PLAGL1: variants seen among roughly 807,000 people sequenced by gnomAD.
The protein encoded by PLAGL1 is zinc finger protein PLAGL1.
PLAGL1 carries 1 observed loss-of-function variant against 4.6 expected under a neutral mutation model. The observed-to-expected ratio is 0.22, with a 90% CI of 0.08 to 1.03. PLAGL1 has a LOEUF of 1.03. Among genes scored for constraint, PLAGL1 ranks in the 50% least tolerant of loss-of-function variants. PLAGL1 has a pLI of 0.58. For missense variants in PLAGL1, 464 were observed against 570.4 expected, an observed-to-expected ratio of 0.81 and a Z score of 1.90; for synonymous variants, 240 against 237.8, an observed-to-expected ratio of 1.01 and a Z score of -0.08.
Position 144,000,191 on chromosome 6 carries a change from T to C in PLAGL1, c.-584+7899A>G, listed in dbSNP as rs1792543327. On this transcript the variant is annotated intron_variant, in intron 1 of 7. Coordinates refer to ENST00000674357, the MANE Select transcript of PLAGL1 (RefSeq NM_001317162.2). This position sits in a 1 kb window ranked among gnomAD's most constrained non-coding sequence, Gnocchi z 4.1. ...CTAAGCTTCAGTGCTACAAAAGCAT[T>C]CTTATGTAAGTCAGAAGCAAAATAA... 2.0e-5 allele frequency among the ~76,000 whole-genome samples: 3 copies of C among 152,164 alleles called. No individual in the cohort carries two copies. In the East Asian group the frequency reaches 5.8e-4, roughly 29 times the overall value.
chr6:143,941,978 C>T lies in PLAGL1; in HGVS notation c.838G>A (p.Glu280Lys). ...GAGGGGTGGAGGGAGGCCAGGGACT[C>T]TGGCAGCGGCTGCATAGGCTGGGCG... is the stretch of plus-strand genomic sequence containing the variant. The part of the protein sequence containing the change: ...QAAQPMQPLP[E>K]SLASLHPSVS... The change falls in exon 8 of 8, where the codon GAG (glutamate) becomes AAG (lysine). Residue 280 changes from glutamate to lysine, a missense_variant. Glu to Lys is a moderately conservative substitution (Grantham distance 56, BLOSUM62 1). Around this residue, in one of 4 missense-constraint regions of PLAGL1, gnomAD observed 248 missense variants for 250.1 expected, o/e 0.99. Coordinates refer to ENST00000674357, the MANE Select transcript of PLAGL1 (RefSeq NM_001317162.2). This position sits in a 1 kb window ranked among gnomAD's most constrained non-coding sequence, Gnocchi z 6.0. The T allele has an allele frequency of 6.3e-7, 1 of 1,594,274 alleles. No individual in the cohort carries two copies. The highest frequency in any genetic ancestry group is 2.2e-5 in the East Asian group (1 of 44,694).
chr6:143,947,479 T>G lies in PLAGL1; in HGVS notation c.152+506A>C, dbSNP rs1780031705. Among the ~76,000 whole-genome samples the G allele has an allele frequency of 6.6e-6, 1 of 152,212 alleles. No individual in the cohort carries two copies. The highest frequency in any genetic ancestry group is 2.4e-5 in the African/African-American group (1 of 41,444). The stretch of plus-strand genomic sequence containing the variant: ...TAAGGCCTGCTATACGTGGCTTCCT[T>G]CCTGCCTGCACTTTTAGCCTCATCT... On this transcript the variant is annotated intron_variant, in intron 7 of 7. Coordinates refer to ENST00000674357, the MANE Select transcript of PLAGL1 (RefSeq NM_001317162.2). This position sits in a 1 kb window ranked among gnomAD's most constrained non-coding sequence, Gnocchi z 4.3.
Position 143,948,234 on chromosome 6 carries a change from T to A in PLAGL1, c.-98A>T. 2 of 1,134,742 alleles carry A rather than the reference T, an allele frequency of 1.8e-6. No homozygotes were observed. Among genetic ancestry groups the A allele is most frequent in the Non-Finnish European group, 2.6e-6 (2 of 775,700 alleles). The allele number at this position is 1,134,742 out of a possible 1,614,324, so 70.3% of individuals were successfully genotyped here. On this transcript the variant is annotated 5_prime_UTR_variant, in exon 7 of 8. Transcript: ENST00000674357. This position sits in a 1 kb window ranked among gnomAD's most constrained non-coding sequence, Gnocchi z 6.0. Reference sequence around the variant, plus strand: ...GATGGTGCTGGGCACATCAGCAGAGTCCCTGCAGCTGAACTCCAGACCACG... The same window carrying A: ...GATGGTGCTGGGCACATCAGCAGAGACCCTGCAGCTGAACTCCAGACCACG...
Position 143,960,497 on chromosome 6 carries a change from G to A in PLAGL1, c.-353C>T, listed in dbSNP as rs1000136351. On this transcript the variant is annotated 5_prime_UTR_variant, in exon 6 of 8. Transcript: ENST00000674357. The surrounding 1 kb of genome is among the most constrained non-coding windows in gnomAD (Gnocchi z 5.7). ...CTGAGTGACAGGGAACATCTGCTGC[G>A]AGGCAGGGACCGAGTCCTCCCAGAA... 2.0e-5 allele frequency: 3 copies of A among 152,160 alleles called. No homozygotes were observed. Among genetic ancestry groups the A allele is most frequent in the African/African-American group, 7.2e-5 (3 of 41,418 alleles). The allele number at this position is 152,160 out of a possible 1,614,324, so 9.4% of individuals were successfully genotyped here.
At chr6:144,038,695 G>A (rs1797470310) in intron 1 of PLAGL1, among the ~76,000 whole-genome samples, 1 of 152,310 alleles carries the variant, frequency 6.6e-6, no homozygotes, top group East Asian at 1.9e-4. Flanking sequence ...GGTGGCCTTT[G>A]AAAACATTAT....
Position 143,964,265 on chromosome 6 carries a change from C to T in PLAGL1, c.-399+522G>A, listed in dbSNP as rs920742291. ...CCAGCCCTCACTGGCGGCCCTGGGG[C>T]AGACAGCTACAAGGATTCAATAAAT... On this transcript the variant is annotated intron_variant, in intron 5 of 7. Coordinates refer to ENST00000674357, the MANE Select transcript of PLAGL1 (RefSeq NM_001317162.2). The surrounding 1 kb of genome is among the most constrained non-coding windows in gnomAD (Gnocchi z 4.3). 6.6e-6 allele frequency among the ~76,000 whole-genome samples: 1 copy of T among 152,152 alleles called. No individual in the cohort carries two copies. Among genetic ancestry groups the T allele is most frequent in the Non-Finnish European group, 1.5e-5 (1 of 68,038 alleles).
intron 1 of PLAGL1, among the ~76,000 whole-genome samples, chr6:144,019,992 C>A (rs530674579): frequency 1.3e-5 from 2 of 152,060 alleles, no homozygotes; most frequent in Non-Finnish European, 1.5e-5. Flanking sequence ...AAATCATAAT[C>A]CCCAATGTGA....
intron 1 of PLAGL1, among the ~76,000 whole-genome samples, chr6:144,014,781 C>T (rs1462067046): frequency 6.6e-6 from 1 of 151,926 alleles, no homozygotes; most frequent in South Asian, 2.1e-4. Flanking sequence ...GGTTTTGCCA[C>T]GTTGCCCAGG....
chr6:144,052,746 G>A (rs565317425), intron 1 of PLAGL1, among the ~76,000 whole-genome samples: 1 of 152,072 alleles, frequency 6.6e-6, no homozygotes, highest in Non-Finnish European at 1.5e-5. Context: ...AAAAAAAAAT[G>A]TGGGGGAGGG....
Position 143,989,296 on chromosome 6 carries a change from C to T in PLAGL1, c.-583-4122G>A, listed in dbSNP as rs969228319. Among the ~76,000 whole-genome samples, 6 of 152,188 alleles carry T rather than the reference C, an allele frequency of 3.9e-5. No homozygotes were observed. Among genetic ancestry groups the T allele is most frequent in the Non-Finnish European group, 7.3e-5 (5 of 68,028 alleles). ...GTGATATGACAGTGAATTGTGTCAACGTGACTGTGCCACAAGTGCCAGGTT... is the reference window on the plus strand; with the variant it reads ...GTGATATGACAGTGAATTGTGTCAATGTGACTGTGCCACAAGTGCCAGGTT... On this transcript the variant is annotated intron_variant, in intron 1 of 7. Transcript: ENST00000674357. The surrounding 1 kb of genome is among the most constrained non-coding windows in gnomAD (Gnocchi z 4.8).
chr6:143,976,093 C>A (rs1486417925), intron 2 of PLAGL1, among the ~76,000 whole-genome samples: 1 of 151,936 alleles, frequency 6.6e-6, no homozygotes, highest in Non-Finnish European at 1.5e-5. Flanking sequence ...TTTCATGACA[C>A]CCTATTACTG....
chr6:143,948,526 C>T lies in PLAGL1; in HGVS notation c.-324-66G>A, dbSNP rs1323687620. 1 of 187,924 alleles carries T rather than the reference C, an allele frequency of 5.3e-6. No homozygotes were observed. Among genetic ancestry groups the T allele is most frequent in the Non-Finnish European group, 1.1e-5 (1 of 88,354 alleles). 11.6% of individuals were successfully genotyped at this position (187,924 alleles called of 1,614,324 possible). On this transcript the variant is annotated intron_variant, in intron 6 of 7. Coordinates refer to ENST00000674357, the MANE Select transcript of PLAGL1 (RefSeq NM_001317162.2). The surrounding 1 kb of genome is among the most constrained non-coding windows in gnomAD (Gnocchi z 6.0). ...TGAAAACAATGCTTTTCCTCCCTGA[C>T]CGCTTCAGAATCAACTACCCACAAT...
At chr6:143,946,217 C>T (rs778893031) in intron 7 of PLAGL1, among the ~76,000 whole-genome samples, 17 of 152,176 alleles carry the variant, frequency 1.1e-4, no homozygotes, top group Non-Finnish European at 2.1e-4. Flanking sequence ...TGTGTATAAG[C>T]GGACCCGTGC....
chr6:144,036,564 T>C lies in PLAGL1; in HGVS notation c.-151+27904A>G, dbSNP rs1169414963. 5.8e-6 allele frequency: 1 copy of C among 172,204 alleles called. No homozygotes were observed. The highest frequency in any genetic ancestry group is 2.4e-5 in the African/African-American group (1 of 41,560). 10.7% of individuals were successfully genotyped at this position (172,204 alleles called of 1,614,324 possible). A position where few individuals can be genotyped will look rare whatever the true frequency, so the allele number is the denominator to read the frequency against. On this transcript the variant is annotated intron_variant, in intron 1 of 3. Transcript: ENST00000437412. This position sits in a 1 kb window ranked among gnomAD's most constrained non-coding sequence, Gnocchi z 5.1. ...CTCCAGTCCTGGGGCTGCTACCGGG[T>C]GCAAGTGACATGCTGGAAAGAGCGT... is the stretch of plus-strand genomic sequence containing the variant.
At position 143,985,027 on chromosome 6, in the gene PLAGL1, GTT is replaced by G. The variant is rs1317601304; in HGVS notation, c.-544+106_-544+107del. ...AATTTAAGAACCAAATAACAAAAAA[GTT>G]TTGCTCCAATTTTTGCTCTAGGAGC... On this transcript the variant is annotated intron_variant, in intron 2 of 7. Coordinates refer to ENST00000674357, the MANE Select transcript of PLAGL1 (RefSeq NM_001317162.2). The surrounding 1 kb of genome is among the most constrained non-coding windows in gnomAD (Gnocchi z 4.4). 1 of 152,026 alleles carries G rather than the reference GTT, an allele frequency of 6.6e-6. No individual in the cohort carries two copies. Among genetic ancestry groups the G allele is most frequent in the Non-Finnish European group, 1.5e-5 (1 of 67,984 alleles). The allele number at this position is 152,026 out of a possible 1,614,324, so 9.4% of individuals were successfully genotyped here.
Position 144,022,435 on chromosome 6 carries a change from G to C in PLAGL1, c.-151+42033C>G, listed in dbSNP as rs1796037244. ...AGCAACAATCCATCATTGGTGATGG[G>C]AATGCAAAATGGTACAGCCACTTTG... is the stretch of plus-strand genomic sequence containing the variant. On this transcript the variant is annotated intron_variant, in intron 1 of 3. Coordinates refer to the PLAGL1 transcript ENST00000437412. The surrounding 1 kb of genome is among the most constrained non-coding windows in gnomAD (Gnocchi z 4.2). Among the ~76,000 whole-genome samples, 1 of 152,216 alleles carries C rather than the reference G, an allele frequency of 6.6e-6. No homozygotes were observed. The highest frequency in any genetic ancestry group is 1.5e-5 in the Non-Finnish European group (1 of 68,038).
rs1343647020 is a variant in PLAGL1 at position 143,994,595 on chromosome 6, A to G, written c.-583-9421T>C. Among the ~76,000 whole-genome samples the G allele has an allele frequency of 6.6e-6, 1 of 152,224 alleles. No individual in the cohort carries two copies. The highest frequency in any genetic ancestry group is 1.5e-5 in the Non-Finnish European group (1 of 68,032). Reference sequence around the variant, plus strand: ...AAATACTACTATTATTCGCAAAAAAATGTATGGAAGATGATGAGAGACAGC... The same window carrying G: ...AAATACTACTATTATTCGCAAAAAAGTGTATGGAAGATGATGAGAGACAGC... On this transcript the variant is annotated intron_variant, in intron 1 of 7. Coordinates refer to ENST00000674357, the MANE Select transcript of PLAGL1 (RefSeq NM_001317162.2). This position sits in a 1 kb window ranked among gnomAD's most constrained non-coding sequence, Gnocchi z 4.3.
In PLAGL1 at chr6:144,059,843, G is replaced by A. The variant is rs1356358657; in HGVS notation, c.-151+4625C>T. Reference sequence around the variant, plus strand: ...GCCTTTTTGAGAGATCAGCCTTGAGGTCCATTTTGGGAGATAACCTCAAGG... The same window carrying A: ...GCCTTTTTGAGAGATCAGCCTTGAGATCCATTTTGGGAGATAACCTCAAGG... On this transcript the variant is annotated intron_variant, in intron 1 of 3. Coordinates refer to the PLAGL1 transcript ENST00000437412. The surrounding 1 kb of genome is among the most constrained non-coding windows in gnomAD (Gnocchi z 4.9). 6.6e-6 allele frequency among the ~76,000 whole-genome samples: 1 copy of A among 152,216 alleles called. No homozygotes were observed. Among genetic ancestry groups the A allele is most frequent in the East Asian group, 1.9e-4 (1 of 5,182 alleles).
rs1432130451 is a variant in PLAGL1 at position 143,990,476 on chromosome 6, T to C, written c.-583-5302A>G. Among the ~76,000 whole-genome samples, 1 of 152,098 alleles carries C rather than the reference T, an allele frequency of 6.6e-6. No homozygotes were observed. The highest frequency in any genetic ancestry group is 2.4e-5 in the African/African-American group (1 of 41,420). On this transcript the variant is annotated intron_variant, in intron 1 of 7. Transcript: ENST00000674357. The surrounding 1 kb of genome is among the most constrained non-coding windows in gnomAD (Gnocchi z 5.4). ...CATTGACCTCCTGGTCCCACTATAC[T>C]CCCACCCTTTCTCAGACAAACTTCT...
Sources: gnomAD v4.1 joint callset for allele counts (sites outside exome capture counted in the v4.1 genomes callset) on GRCh38, gnomAD v4.1.1 for gene constraint, gnomAD v4.1.1 regional missense constraint, Gnocchi (gnomAD v3.1) non-coding constraint, MANE v1.5 for transcripts, NCBI Gene and HGNC (gene_info 2026-07-23, HGNC 2026-07-21) for gene names.